PRKG1: variants seen among roughly 807,000 people sequenced by gnomAD.
The protein encoded by PRKG1 is cGMP-dependent protein kinase 1.
Under a neutral mutation model 88.1 loss-of-function variants are expected in PRKG1, and 35 were observed. That is an observed-to-expected ratio of 0.40 (90% CI 0.30 to 0.53). The LOEUF (loss-of-function observed/expected upper bound fraction) is 0.53. Among genes scored for constraint, PRKG1 ranks in the 20% least tolerant of loss-of-function variants. The pLI, the probability that PRKG1 is intolerant of heterozygous loss-of-function variation, is 0.59. For synonymous variants in PRKG1, 303 were observed against 292.5 expected (o/e 1.04, Z -0.37); for missense variants, 540 against 839.8 (o/e 0.64, Z 4.41).
chr10:51,260,387 A>G (rs1839673730), intron 2 of PRKG1, among the ~76,000 whole-genome samples: 1 of 152,088 alleles, frequency 6.6e-6, no homozygotes, highest in African/African-American at 2.4e-5. Flanking sequence ...TTTAGCATGC[A>G]TGTTTTACTC....
intron 7 of PRKG1, among the ~76,000 whole-genome samples, chr10:52,126,621 C>T (rs930179986): frequency 6.6e-6 from 1 of 152,106 alleles, no homozygotes; most frequent in South Asian, 2.1e-4. Context: ...GTTGGGATTA[C>T]AAGTGTGTGC....
At chr10:51,866,566 T>C (rs1040766714) in intron 4 of PRKG1, among the ~76,000 whole-genome samples, 3 of 152,174 alleles carry the variant, frequency 2.0e-5, no homozygotes, top group Admixed American at 2.0e-4. Context: ...ATTTTCTAAT[T>C]GATGGTGAGA....
chr10:51,074,475 G>C, upstream of PRKG1: 1 of 1,473,844 alleles, frequency 6.8e-7, no homozygotes, highest in Non-Finnish European at 9.0e-7. Flanking sequence ...GTCTCAAGTA[G>C]GAAGCTTTGG....
intron 3 of PRKG1, among the ~76,000 whole-genome samples, chr10:51,694,360 T>C (rs566787782): frequency 6.6e-6 from 1 of 152,308 alleles, no homozygotes; most frequent in Non-Finnish European, 1.5e-5. Flanking sequence ...ACGTTAACGG[T>C]TTTCTTTCTT....
At chr10:51,720,497 A>G (rs1312453026) in intron 3 of PRKG1, among the ~76,000 whole-genome samples, 2 of 152,158 alleles carry the variant, frequency 1.3e-5, no homozygotes, top group Non-Finnish European at 2.9e-5. Context: ...CACCACAGTA[A>G]CTCTCAACAA....
At chr10:51,830,402 T>C (rs544121809) in intron 4 of PRKG1, among the ~76,000 whole-genome samples, 4 of 152,250 alleles carry the variant, frequency 2.6e-5, no homozygotes, top group Admixed American at 2.6e-4. Context: ...TAATTATATA[T>C]GGTGTTCTGT....
At chr10:51,809,091 T>C (rs971402996) in intron 4 of PRKG1, among the ~76,000 whole-genome samples, 1 of 152,202 alleles carries the variant, frequency 6.6e-6, no homozygotes, top group South Asian at 2.1e-4. Context: ...TTCTTTATTG[T>C]CAAAGTTGGG....
At chr10:51,142,062 C>T (rs933682584) in intron 1 of PRKG1, among the ~76,000 whole-genome samples, 18 of 152,008 alleles carry the variant, frequency 1.2e-4, no homozygotes, top group Non-Finnish European at 8.8e-5. Flanking sequence ...CTTCATTTCT[C>T]CTCCATATGT....
chr10:52,086,407 ATTT>A (rs34889827), intron 7 of PRKG1, among the ~76,000 whole-genome samples: 49,811 of 140,388 alleles, frequency 0.35, 10,069 homozygotes, highest in Non-Finnish European at 0.46. Flanking sequence ...TATAGGTATG[ATTT>A]TTTTTTTTTT....
intron 5 of PRKG1, among the ~76,000 whole-genome samples, chr10:51,997,022 A>T (rs1564744450): frequency 6.6e-6 from 1 of 152,186 alleles, no homozygotes; most frequent in Non-Finnish European, 1.5e-5. Context: ...CTGGCACAGA[A>T]AAAAGTACCA....
intron 4 of PRKG1, among the ~76,000 whole-genome samples, chr10:51,849,402 T>C (rs1289614705): frequency 6.6e-6 from 1 of 152,172 alleles, no homozygotes; most frequent in Non-Finnish European, 1.5e-5. Flanking sequence ...TATGGATTTT[T>C]CCTCCTCCTT....
intron 4 of PRKG1, among the ~76,000 whole-genome samples, chr10:51,893,814 T>TA (rs1841778885): frequency 6.6e-6 from 1 of 152,178 alleles, no homozygotes; most frequent in African/African-American, 2.4e-5. Flanking sequence ...ATCTTGCCTG[T>TA]AGTTACACAG....
chr10:51,365,880 G>A (rs1842577874), intron 2 of PRKG1, among the ~76,000 whole-genome samples: 1 of 149,820 alleles, frequency 6.7e-6, no homozygotes, highest in Non-Finnish European at 1.5e-5. Context: ...GCATAGCTTT[G>A]TACTAAATCT....
At chr10:52,288,333 T>G (rs1211024866) in intron 14 of PRKG1, among the ~76,000 whole-genome samples, 5 of 152,020 alleles carry the variant, frequency 3.3e-5, no homozygotes, top group Non-Finnish European at 7.4e-5. Context: ...GGTAATGGCA[T>G]GAGGTGGGGT....
At chr10:51,983,591 G>A (rs1226968743) in intron 5 of PRKG1, among the ~76,000 whole-genome samples, 1 of 152,146 alleles carries the variant, frequency 6.6e-6, no homozygotes, top group Non-Finnish European at 1.5e-5. Flanking sequence ...TTCCTCTAGG[G>A]CTAATGTCTC....
chr10:52,060,886 A>G (rs1846220553), intron 6 of PRKG1, among the ~76,000 whole-genome samples: 1 of 152,036 alleles, frequency 6.6e-6, no homozygotes, highest in African/African-American at 2.4e-5. Context: ...AAAACAAAGT[A>G]TAACAAAAAT....
intron 2 of PRKG1, among the ~76,000 whole-genome samples, chr10:51,453,828 G>T (rs1839506143): frequency 6.6e-6 from 1 of 151,982 alleles, no homozygotes; most frequent in Non-Finnish European, 1.5e-5. Context: ...TTGATGATAT[G>T]ATTGTATACC....
At chr10:52,129,306 G>A (rs1333720574) in intron 7 of PRKG1, among the ~76,000 whole-genome samples, 10 of 152,034 alleles carry the variant, frequency 6.6e-5, no homozygotes, top group Admixed American at 6.6e-4. Flanking sequence ...AAATTCAAAT[G>A]ATATTTGCTT....
intron 7 of PRKG1, among the ~76,000 whole-genome samples, chr10:52,063,794 G>A (rs930973472): frequency 2.0e-5 from 3 of 152,054 alleles, no homozygotes; most frequent in Non-Finnish European, 2.9e-5. Context: ...GTTGTCAACA[G>A]AGAGGGTAGC....
Sources: gnomAD v4.1 joint callset for allele counts (sites outside exome capture counted in the v4.1 genomes callset) on GRCh38, gnomAD v4.1.1 for gene constraint, MANE v1.5 for transcripts, NCBI Gene and HGNC (gene_info 2026-07-23, HGNC 2026-07-21) for gene names.